The following SCHIP1 variants were observed in gnomAD, a reference collection of about 807,000 sequenced individuals.
The protein encoded by SCHIP1 is schwannomin-interacting protein 1.
Under a neutral mutation model 29.7 loss-of-function variants are expected in SCHIP1, and 8 were observed. The ratio of observed to expected loss-of-function variants is 0.27; its 90% confidence interval spans 0.16 to 0.49. The LOEUF (loss-of-function observed/expected upper bound fraction) is 0.49, where lower values mean the gene tolerates loss of function less well. Among genes scored for constraint, SCHIP1 ranks in the 20% least tolerant of loss-of-function variants. SCHIP1 has a pLI of 0.99. For missense variants in SCHIP1, 193 were observed against 294.6 expected (o/e 0.66, Z 2.52); for synonymous variants, 76 against 94.9 (o/e 0.80, Z 1.16).
At chr3:159,801,743 C>T in the SCHIP1 span, among the ~76,000 whole-genome samples, 1 of 152,050 alleles carries the variant, frequency 6.6e-6, no homozygotes, top group Admixed American at 6.6e-5. Context: ...ATATACCTTA[C>T]AATTTTTTAA....
the SCHIP1 span, among the ~76,000 whole-genome samples, chr3:159,487,569 A>C: frequency 1.3e-5 from 2 of 152,310 alleles, no homozygotes; most frequent in South Asian, 4.1e-4. Flanking sequence ...AGCTTGGCCC[A>C]ACTCCACACA....
the SCHIP1 span, among the ~76,000 whole-genome samples, chr3:159,828,444 T>TATATATAC: frequency 1.3e-4 from 8 of 62,130 alleles, no homozygotes; most frequent in Admixed American, 4.5e-4. Flanking sequence ...TATATACGTA[T>TATATATAC]ATATATACGT....
chr3:159,753,762 C>T, the SCHIP1 span, among the ~76,000 whole-genome samples: 1 of 152,198 alleles, frequency 6.6e-6, no homozygotes, highest in African/African-American at 2.4e-5. Flanking sequence ...GCAACCCCTC[C>T]TCACTCTCCA....
At chr3:159,785,989 T>G in the SCHIP1 span, among the ~76,000 whole-genome samples, 1 of 152,372 alleles carries the variant, frequency 6.6e-6, no homozygotes, top group African/African-American at 2.4e-5. Context: ...TCTTTTTTGT[T>G]GTTTTAAACA....
chr3:159,276,228 C>A, the SCHIP1 span, among the ~76,000 whole-genome samples: 3,469 of 152,308 alleles, frequency 0.023, 54 homozygotes, highest in Non-Finnish European at 0.037. Flanking sequence ...ACTCCCCTAG[C>A]TACAGTCCCA....
chr3:159,838,413 A>G (rs908506763), upstream of SCHIP1, among the ~76,000 whole-genome samples: 4 of 152,234 alleles, frequency 2.6e-5, no homozygotes, highest in Non-Finnish European at 5.9e-5. Context: ...TCAGTAGCAC[A>G]GTGAAACTGC....
chr3:159,692,613 T>C, the SCHIP1 span, among the ~76,000 whole-genome samples: 4 of 152,210 alleles, frequency 2.6e-5, no homozygotes, highest in Admixed American at 2.0e-4. Flanking sequence ...TTATTCTAGT[T>C]AGCAATTCCT....
chr3:159,775,273 G>A, the SCHIP1 span, among the ~76,000 whole-genome samples: 1 of 152,232 alleles, frequency 6.6e-6, no homozygotes, highest in Non-Finnish European at 1.5e-5. Context: ...TCAGGAAAGT[G>A]TGTGGGGTTG....
the SCHIP1 span, among the ~76,000 whole-genome samples, chr3:159,525,600 A>G: frequency 6.6e-6 from 1 of 152,254 alleles, no homozygotes; most frequent in Non-Finnish European, 1.5e-5. Context: ...TTCAGCTAAA[A>G]TTCTTAATGT....
At chr3:159,734,787 C>CT in the SCHIP1 span, among the ~76,000 whole-genome samples, 4,103 of 110,478 alleles carry the variant, frequency 0.037, 118 homozygotes, top group African/African-American at 0.071. Flanking sequence ...CTTTTCTTGT[C>CT]TTTTTTTTTT....
chr3:159,818,224 C>G, the SCHIP1 span, among the ~76,000 whole-genome samples: 1 of 152,174 alleles, frequency 6.6e-6, no homozygotes, highest in African/African-American at 2.4e-5. Context: ...CTTCTATGCT[C>G]TTATCGTATG....
chr3:159,525,092 G>A, the SCHIP1 span, among the ~76,000 whole-genome samples: 4 of 152,046 alleles, frequency 2.6e-5, no homozygotes, highest in Non-Finnish European at 5.9e-5. Flanking sequence ...TTGCATCCTC[G>A]GTGTTCACTC....
chr3:159,530,215 A>G, the SCHIP1 span, among the ~76,000 whole-genome samples: 1 of 152,124 alleles, frequency 6.6e-6, no homozygotes, highest in African/African-American at 2.4e-5. Flanking sequence ...ATTCCCACCA[A>G]CAGGGAAGCA....
At chr3:159,518,707 T>A in the SCHIP1 span, among the ~76,000 whole-genome samples, 1 of 152,214 alleles carries the variant, frequency 6.6e-6, no homozygotes, top group African/African-American at 2.4e-5. Flanking sequence ...CAGATAGAAA[T>A]GTAGGGGTCA....
chr3:159,326,783 A>G, the SCHIP1 span, among the ~76,000 whole-genome samples: 2 of 152,122 alleles, frequency 1.3e-5, no homozygotes, highest in Admixed American at 6.6e-5. Flanking sequence ...CTAAGGATAG[A>G]TTTGCACTGG....
the SCHIP1 span, among the ~76,000 whole-genome samples, chr3:159,614,678 C>T: frequency 1.3e-5 from 2 of 152,234 alleles, no homozygotes; most frequent in Middle Eastern, 3.4e-3. Context: ...AAGGCAATTG[C>T]GTAGTTTAAA....
At chr3:159,753,125 C>T in the SCHIP1 span, among the ~76,000 whole-genome samples, 8 of 152,138 alleles carry the variant, frequency 5.3e-5, no homozygotes, top group South Asian at 2.1e-4. Flanking sequence ...TGCTAGAATC[C>T]GTTAGGACTA....
chr3:159,387,315 G>T, the SCHIP1 span: 1 of 327,694 alleles, frequency 3.1e-6, no homozygotes, highest in East Asian at 9.6e-5. Context: ...CCAGGAAAAA[G>T]TCAATTATCT....
chr3:159,419,060 C>T, the SCHIP1 span, among the ~76,000 whole-genome samples: 4 of 152,052 alleles, frequency 2.6e-5, no homozygotes, highest in East Asian at 7.7e-4. Context: ...TTGCTCCTTG[C>T]AAACAAAAAA....
Sources: gnomAD v4.1 joint callset for allele counts (sites outside exome capture counted in the v4.1 genomes callset) on GRCh38, gnomAD v4.1.1 for gene constraint, MANE v1.5 for transcripts, NCBI Gene and HGNC (gene_info 2026-07-23, HGNC 2026-07-21) for gene names.